Variants in ACP3 observed in about 807,000 individuals in gnomAD.
The protein encoded by ACP3 is prostatic acid phosphatase.
A neutral mutation model predicts 45.6 loss-of-function variants in ACP3; 38 were observed. The ratio of observed to expected loss-of-function variants is 0.83; its 90% CI spans 0.64 to 1.09. ACP3 has a LOEUF of 1.09. Among genes scored for constraint, ACP3 ranks in the 50% least tolerant of loss-of-function variants. The pLI, the probability that ACP3 is intolerant of heterozygous loss-of-function variation, is 0.00. For synonymous variants in ACP3, 162 were observed against 164.7 expected (o/e 0.98, Z 0.13); for missense variants, 466 against 463.2 (o/e 1.01, Z -0.05).
At chr3:132,337,623 C>A in intron 5 of ACP3, 69 bp downstream of exon 5, 2 of 969,496 alleles carry the variant, frequency 2.1e-6, no homozygotes, top group African/African-American at 1.6e-5. Context: ...AGGGCCAAGA[C>A]ACAAGATGAA....
chr3:132,319,267 T>A (rs1937162154), intron 1 of ACP3, among the ~76,000 whole-genome samples: 1 of 152,230 alleles, frequency 6.6e-6, no homozygotes, highest in Non-Finnish European at 1.5e-5. Context: ...CTATAAGTGG[T>A]TAATTTATAC....
chr3:132,353,275 G>A (rs1937802187), intron 9 of ACP3, among the ~76,000 whole-genome samples: 1 of 152,134 alleles, frequency 6.6e-6, no homozygotes, highest in Admixed American at 6.6e-5. Flanking sequence ...GACCTGGTGT[G>A]GCCCTCCCCA....
intron 4 of ACP3, 123 bp downstream of exon 4, chr3:132,332,467 T>C: frequency 8.8e-7 from 1 of 1,131,194 alleles, no homozygotes; most frequent in Non-Finnish European, 1.2e-6. Flanking sequence ...AATTCTTTCT[T>C]AAATAAAGAT....
downstream of ACP3, among the ~76,000 whole-genome samples, chr3:132,362,700 T>C (rs1226293206): frequency 3.9e-5 from 6 of 152,148 alleles, no homozygotes; most frequent in East Asian, 1.2e-3. Flanking sequence ...GGAGAAATGG[T>C]ACTAAGCAGG....
intron 1 of ACP3, among the ~76,000 whole-genome samples, chr3:132,324,364 G>A (rs527646719): frequency 6.6e-6 from 1 of 152,122 alleles, no homozygotes; most frequent in Non-Finnish European, 1.5e-5. Flanking sequence ...TCATTCATGG[G>A]GGCACCAAAC....
rs757055210 is a variant in ACP3 at position 132,352,787 on chromosome 3, C to T, written c.932C>T (p.Ala311Val). The T allele has an allele frequency of 6.2e-7, 1 of 1,613,518 alleles. No individual in the cohort carries two copies. Among genetic ancestry groups the T allele is most frequent in the Non-Finnish European group, 8.5e-7 (1 of 1,179,450 alleles). The change falls in exon 9 of 10, where the codon GCT (alanine) becomes GTT (valine). Residue 311 changes from alanine to valine, a missense_variant. Physicochemically the swap from Ala to Val is moderately conservative, Grantham distance 64. Coordinates refer to ENST00000336375, the MANE Select transcript of ACP3 (RefSeq NM_001099.5). Reference sequence around the variant, plus strand: ...TACAACGGACTCCTTCCTCCCTATGCTTCTTGCCACTTGACGGAATTGTAC... The same window carrying T: ...TACAACGGACTCCTTCCTCCCTATGTTTCTTGCCACTTGACGGAATTGTAC... ...DVYNGLLPPY[A>V]SCHLTELYFE...
At chr3:132,339,094 C>T (rs1015390469) in intron 5 of ACP3, among the ~76,000 whole-genome samples, 1 of 152,094 alleles carries the variant, frequency 6.6e-6, no homozygotes, top group Non-Finnish European at 1.5e-5. Context: ...GTATTCTCAT[C>T]AGTTAAATGC....
intron 1 of ACP3, among the ~76,000 whole-genome samples, chr3:132,327,575 T>C (rs1937321008): frequency 6.7e-6 from 1 of 148,496 alleles, no homozygotes; most frequent in Non-Finnish European, 1.5e-5. Context: ...TCCCAGCACT[T>C]TGGAAGGCCG....
chr3:132,340,315 C>CAA (rs77702139), intron 5 of ACP3, among the ~76,000 whole-genome samples: 14,931 of 77,150 alleles, frequency 0.19, 1,014 homozygotes, highest in Admixed American at 0.27. Flanking sequence ...AATTCCGTCT[C>CAA]AAAAAAAAAA....
intron 10 of ACP3, among the ~76,000 whole-genome samples, chr3:132,364,931 C>A (rs1414477993): frequency 6.6e-6 from 1 of 152,220 alleles, no homozygotes; most frequent in Non-Finnish European, 1.5e-5. Flanking sequence ...TCCTTTCTTT[C>A]CCTCTTCAAT....
At chr3:132,364,251 G>A (rs1048595820) in intron 10 of ACP3, among the ~76,000 whole-genome samples, 10 of 152,238 alleles carry the variant, frequency 6.6e-5, no homozygotes, top group Non-Finnish European at 1.3e-4. Flanking sequence ...GGGAGGCTGA[G>A]GTGGGAGGAT....
rs142280067 is a variant in ACP3, at chr3:132,367,781, C to T, written c.1216C>T (p.Arg406Cys). 15 of 1,613,736 alleles carry T rather than the reference C, an allele frequency of 9.3e-6. No homozygotes were observed. The East Asian group carries it at 1.1e-4, about 12-fold the overall frequency. ...GGTACTACTGTTTATCCACATTCGC[C>T]GTGGACTCTGCTGGCAGAGAGAATC... Residue 406 changes from arginine to cysteine, a missense_variant, in exon 11 of 11, where the codon CGT becomes TGT. Coordinates refer to the ACP3 transcript ENST00000351273.
chr3:132,358,512 C>T lies in ACP3; in HGVS notation c.*1634C>T. On this transcript the variant is annotated 3_prime_UTR_variant, in exon 10 of 10. Coordinates refer to ENST00000336375, the MANE Select transcript of ACP3 (RefSeq NM_001099.5). ...TCTAGAGAACACTGTGCTCTATTACCATTATGGATAAAGATGAGATGGTTT... is the reference window on the plus strand; with the variant it reads ...TCTAGAGAACACTGTGCTCTATTACTATTATGGATAAAGATGAGATGGTTT... 1.6e-6 allele frequency: 2 copies of T among 1,225,952 alleles called. No individual in the cohort carries two copies. The highest frequency in any genetic ancestry group is 2.1e-6 in the Non-Finnish European group (2 of 948,948). The allele number at this position is 1,225,952 out of a possible 1,614,324, so 75.9% of individuals were successfully genotyped here. A position where few individuals can be genotyped will look rare whatever the true frequency, so the allele number is the denominator to read the frequency against.
intron 9 of ACP3, among the ~76,000 whole-genome samples, chr3:132,355,806 G>A (rs1010217651): frequency 4.6e-5 from 7 of 152,192 alleles, no homozygotes; most frequent in Non-Finnish European, 7.3e-5. Context: ...GTGAGCCACT[G>A]CGCCCAGCCT....
At chr3:132,344,141 G>A (rs1049226663) in intron 6 of ACP3, among the ~76,000 whole-genome samples, 7 of 152,110 alleles carry the variant, frequency 4.6e-5, no homozygotes, top group African/African-American at 1.7e-4. Flanking sequence ...AGGCGGGTGT[G>A]GTGGCGCATG....
At chr3:132,360,315 G>GAAA (rs35028722), downstream of ACP3, among the ~76,000 whole-genome samples, 10 of 131,592 alleles carry the variant, frequency 7.6e-5, no homozygotes, top group Middle Eastern at 4.1e-3. Context: ...TAATTCATTG[G>GAAA]AAAAAAAAAA....
Position 132,356,710 on chromosome 3 carries a change from T to C in ACP3, c.993T>C (p.Tyr331=), listed in dbSNP as rs3181784. ...EKGEYFVEMY[Y]RNETQHEPYP... ...GGGAGTACTTTGTGGAGATGTACTA[T>C]CGGAATGAGACGCAGCACGAGCCGT... Residue 331 remains tyrosine (Y), a synonymous_variant, in exon 10 of 10, where the codon TAT becomes TAC. Transcript: ENST00000336375. The C allele has an allele frequency of 0.38, 606,246 of 1,613,676 alleles. 117,232 individuals are homozygous for C. Among genetic ancestry groups the C allele is most frequent in the Middle Eastern group, 0.45 (2,697 of 6,002 alleles).
chr3:132,366,286 T>G (rs1576433033), intron 10 of ACP3, among the ~76,000 whole-genome samples: 1 of 138,182 alleles, frequency 7.2e-6, no homozygotes, highest in Non-Finnish European at 1.5e-5. Flanking sequence ...GGTGACAGAG[T>G]GAAACTCTGT....
chr3:132,330,727 A>G (rs1262966380), intron 2 of ACP3, among the ~76,000 whole-genome samples: 1 of 152,200 alleles, frequency 6.6e-6, no homozygotes, highest in Non-Finnish European at 1.5e-5. Flanking sequence ...AGCAGCAGCC[A>G]CCGTAACAAC....
Sources: allele counts gnomAD v4.1 joint callset (sites outside exome capture counted in the v4.1 genomes callset), GRCh38; gene constraint gnomAD v4.1.1; transcripts MANE v1.5; gene names NCBI Gene and HGNC (gene_info 2026-07-23, HGNC 2026-07-21).